The following ACYP2 variants were observed in gnomAD, a reference collection of about 807,000 sequenced individuals.
ACYP2 encodes acylphosphatase 2.
In ACYP2, 12 loss-of-function variants were observed where a neutral mutation model predicts 11.2. That is an observed-to-expected ratio of 1.08 (90% CI 0.69 to 1.74). The LOEUF (loss-of-function observed/expected upper bound fraction) is 1.74, where lower values mean the gene tolerates loss of function less well. ACYP2 is among the 40% of genes most tolerant of loss of function. The pLI is 0.00. For synonymous variants in ACYP2, 43 were observed against 32.2 expected (o/e 1.33, Z -1.13); for missense variants, 134 against 101.9 (o/e 1.31, Z -1.35).
At chr2:54,234,723 T>G (rs1572971297) in intron 6 of ACYP2, among the ~76,000 whole-genome samples, 1 of 152,238 alleles carries the variant, frequency 6.6e-6, no homozygotes, top group African/African-American at 2.4e-5. Context: ...GTCTGCCCAC[T>G]GTGGGCTTCA....
intron 6 of ACYP2, among the ~76,000 whole-genome samples, chr2:54,182,250 G>C (rs1683775034): frequency 6.6e-6 from 1 of 151,814 alleles, no homozygotes; most frequent in African/African-American, 2.4e-5. Flanking sequence ...AGTAGAGACA[G>C]AGTTTCGTCA....
At chr2:54,035,579 A>G (rs1674853767) in intron 2 of ACYP2, among the ~76,000 whole-genome samples, 1 of 152,094 alleles carries the variant, frequency 6.6e-6, no homozygotes, top group African/African-American at 2.4e-5. Flanking sequence ...GACAATTTCA[A>G]AAGCAAATTG....
chr2:54,135,271 T>G lies in ACYP2; in HGVS notation c.278-182T>G, dbSNP rs2103775222. 1.3e-5 allele frequency among the ~76,000 whole-genome samples: 2 copies of G among 152,290 alleles called. 1 individual carries two copies. The highest frequency in any genetic ancestry group is 4.1e-4 in the South Asian group (2 of 4,820). ...GGCATTCAATTTAAAACTTATGAATTGTTTATTTCTGGAATTTTAAATTTA... is the reference window on the plus strand; with the variant it reads ...GGCATTCAATTTAAAACTTATGAATGGTTTATTTCTGGAATTTTAAATTTA... On this transcript the variant is annotated intron_variant, in intron 4 of 6. Transcript: ENST00000607452.
chr2:53,986,423 G>C (rs1330986048), intron 2 of ACYP2, among the ~76,000 whole-genome samples: 1 of 151,154 alleles, frequency 6.6e-6, no homozygotes, highest in Admixed American at 6.6e-5. Context: ...TGCAACTTCT[G>C]CCTCCTGGGT....
At chr2:54,070,937 A>G (rs1428920751) in intron 4 of ACYP2, among the ~76,000 whole-genome samples, 1 of 150,950 alleles carries the variant, frequency 6.6e-6, no homozygotes, top group Non-Finnish European at 1.5e-5. Flanking sequence ...TTTTTTTCAG[A>G]GACAGAGTTT....
chr2:54,051,274 T>A (rs1436733655), intron 3 of ACYP2: 1 of 811,046 alleles, frequency 1.2e-6, no homozygotes, highest in Non-Finnish European at 2.2e-6. Context: ...TTGTGCAAAC[T>A]TGTCAGGAAG....
intron 2 of ACYP2, among the ~76,000 whole-genome samples, chr2:54,006,024 C>G (rs1396475454): frequency 2.6e-5 from 4 of 151,662 alleles, no homozygotes; most frequent in Non-Finnish European, 2.9e-5. Flanking sequence ...CACTCTGTCA[C>G]CCAGGTTGCA....
chr2:54,092,571 G>A (rs902504032), intron 4 of ACYP2, among the ~76,000 whole-genome samples: 11 of 152,196 alleles, frequency 7.2e-5, no homozygotes, highest in Non-Finnish European at 1.3e-4. Context: ...GTGAGGGTGA[G>A]GGGAATCTAG....
At chr2:53,977,810 C>T (rs1031520932) in intron 2 of ACYP2, among the ~76,000 whole-genome samples, 8 of 151,542 alleles carry the variant, frequency 5.3e-5, no homozygotes, top group Admixed American at 1.3e-4. Flanking sequence ...GATTCAGTCA[C>T]CTCACATACT....
intron 4 of ACYP2, among the ~76,000 whole-genome samples, chr2:54,102,100 T>A (rs1212969573): frequency 6.6e-6 from 1 of 152,234 alleles, no homozygotes; most frequent in African/African-American, 2.4e-5. Context: ...CTCAAATGTA[T>A]ATAATTTTTA....
chr2:54,033,790 A>G (rs1674723063), intron 2 of ACYP2, among the ~76,000 whole-genome samples: 1 of 152,196 alleles, frequency 6.6e-6, no homozygotes, highest in Admixed American at 6.5e-5. Flanking sequence ...CCAGGTGAGA[A>G]ATGATGGTGG....
chr2:54,226,452 T>C (rs1242418862), intron 6 of ACYP2, among the ~76,000 whole-genome samples: 1 of 150,508 alleles, frequency 6.6e-6, no homozygotes. Flanking sequence ...CTTTCAATAA[T>C]GTGTTGATGT....
intron 6 of ACYP2, among the ~76,000 whole-genome samples, chr2:54,197,796 G>A (rs531161927): frequency 6.6e-6 from 1 of 152,264 alleles, no homozygotes; most frequent in South Asian, 2.1e-4. Context: ...AAAAGACTGG[G>A]GAGGGACAGT....
intron 2 of ACYP2, among the ~76,000 whole-genome samples, chr2:54,012,783 C>G (rs1673446501): frequency 1.3e-5 from 2 of 152,162 alleles, no homozygotes; most frequent in African/African-American, 4.8e-5. Flanking sequence ...CAACTAGCAG[C>G]CAGAGTTTTC....
intron 6 of ACYP2, among the ~76,000 whole-genome samples, chr2:54,204,214 G>C (rs1684977778): frequency 6.6e-6 from 1 of 151,822 alleles, no homozygotes; most frequent in Admixed American, 6.6e-5. Flanking sequence ...GGCCAGGCTG[G>C]TCTCGAACTC....
chr2:54,038,966 G>A (rs1003979313), intron 2 of ACYP2, among the ~76,000 whole-genome samples: 2 of 151,920 alleles, frequency 1.3e-5, no homozygotes, highest in African/African-American at 4.8e-5. Context: ...ATATTTGAGG[G>A]AAGGAGTTGA....
chr2:54,149,459 C>T (rs1246650211), intron 6 of ACYP2, among the ~76,000 whole-genome samples: 3 of 152,134 alleles, frequency 2.0e-5, no homozygotes, highest in East Asian at 1.9e-4. Flanking sequence ...GTTCTGCCAA[C>T]ATTTTTTGAT....
intron 4 of ACYP2, among the ~76,000 whole-genome samples, chr2:54,063,498 G>A (rs940903691): frequency 1.3e-5 from 2 of 152,168 alleles, no homozygotes; most frequent in African/African-American, 4.8e-5. Flanking sequence ...CTCAGGCTGG[G>A]TTTGACCCAG....
chr2:54,011,886 T>C (rs1410519871), intron 2 of ACYP2, among the ~76,000 whole-genome samples: 1 of 152,184 alleles, frequency 6.6e-6, no homozygotes, highest in Non-Finnish European at 1.5e-5. Context: ...GCTTTTAGGT[T>C]GTCTACCTTG....
Sources: allele counts gnomAD v4.1 joint callset (sites outside exome capture counted in the v4.1 genomes callset), GRCh38; gene constraint gnomAD v4.1.1; transcripts MANE v1.5; gene names NCBI Gene and HGNC (gene_info 2026-07-23, HGNC 2026-07-21).